ADAM9: variants seen among roughly 807,000 people sequenced by gnomAD.
The protein encoded by ADAM9 is disintegrin and metalloproteinase domain-containing protein 9.
Under a neutral mutation model 108.1 loss-of-function variants are expected in ADAM9, and 54 were observed. The ratio of observed to expected loss-of-function variants is 0.50; its 90% confidence interval spans 0.40 to 0.63. The LOEUF (loss-of-function observed/expected upper bound fraction) is 0.63. Among genes scored for constraint, ADAM9 ranks in the 20% least tolerant of loss-of-function variants. ADAM9 has a pLI of 0.00. For missense variants in ADAM9, 830 were observed against 997.7 expected, an observed-to-expected ratio of 0.83 and a Z score of 2.26; for synonymous variants, 316 against 336.0, an observed-to-expected ratio of 0.94 and a Z score of 0.65.
At chr8:39,004,366 A>G (rs1836094383) in intron 1 of ADAM9, among the ~76,000 whole-genome samples, 1 of 151,900 alleles carries the variant, frequency 6.6e-6, no homozygotes. Context: ...GGCATGTGCC[A>G]CCATGCCCCA....
At chr8:39,024,269 T>C (rs1836849980) in intron 9 of ADAM9, among the ~76,000 whole-genome samples, 1 of 152,116 alleles carries the variant, frequency 6.6e-6, no homozygotes. Flanking sequence ...TTTAGTAAAA[T>C]CGTACGCTCA....
chr8:39,060,194 A>G (rs1181528175), intron 14 of ADAM9, among the ~76,000 whole-genome samples: 4 of 152,234 alleles, frequency 2.6e-5, no homozygotes, highest in Non-Finnish European at 5.9e-5. Context: ...TTATTCGCAG[A>G]GGATCACAAG....
At chr8:39,082,581 G>C in intron 16 of ADAM9, 60 bp from the exon 17 acceptor site, 1 of 1,358,092 alleles carries the variant, frequency 7.4e-7, no homozygotes, top group South Asian at 1.2e-5. Flanking sequence ...CTTTTTTCTG[G>C]GTACTTTTTA....
chr8:39,101,579 A>AT (rs1469777513), intron 20 of ADAM9, among the ~76,000 whole-genome samples: 1 of 152,224 alleles, frequency 6.6e-6, no homozygotes, highest in Non-Finnish European at 1.5e-5. Context: ...AAAATATTGT[A>AT]TAAAATTACC....
chr8:39,040,102 T>C (rs1837411807), intron 11 of ADAM9, among the ~76,000 whole-genome samples: 2 of 152,240 alleles, frequency 1.3e-5, no homozygotes, highest in African/African-American at 4.8e-5. Context: ...CAAGCTGGAG[T>C]GCAGTGGTGC....
At chr8:39,045,610 G>A (rs1185857766) in intron 12 of ADAM9, among the ~76,000 whole-genome samples, 2 of 150,046 alleles carry the variant, frequency 1.3e-5, no homozygotes, top group Non-Finnish European at 2.9e-5. Flanking sequence ...TCATCCAGTC[G>A]ACTGTTGATG....
At chr8:39,101,421 T>G (rs2129443627) in intron 20 of ADAM9, among the ~76,000 whole-genome samples, 1 of 152,312 alleles carries the variant, frequency 6.6e-6, no homozygotes, top group East Asian at 1.9e-4. Flanking sequence ...AAGAAAATGA[T>G]TGCTTACCAG....
At chr8:39,023,581 G>A (rs1348165479) in intron 9 of ADAM9, among the ~76,000 whole-genome samples, 2 of 151,840 alleles carry the variant, frequency 1.3e-5, no homozygotes, top group African/African-American at 4.8e-5. Flanking sequence ...TTTGTGAACG[G>A]ATATATAGAA....
At chr8:39,007,206 C>T (rs1016497596) in intron 1 of ADAM9, among the ~76,000 whole-genome samples, 1 of 152,118 alleles carries the variant, frequency 6.6e-6, no homozygotes, top group South Asian at 2.1e-4. Flanking sequence ...GGGAGAGAGG[C>T]TCTTTTTAAC....
chr8:39,032,839 AAGTC>A (rs1236585026), intron 11 of ADAM9, among the ~76,000 whole-genome samples: 2 of 152,232 alleles, frequency 1.3e-5, no homozygotes, highest in Non-Finnish European at 2.9e-5. Context: ...GCTTTAGAGT[AAGTC>A]TTGAAGTCAG....
At chr8:39,050,177 T>C (rs1837911015) in intron 12 of ADAM9, among the ~76,000 whole-genome samples, 1 of 152,188 alleles carries the variant, frequency 6.6e-6, no homozygotes, top group South Asian at 2.1e-4. Flanking sequence ...CTTTCTTTCT[T>C]ACTGCTTTCA....
At chr8:39,081,051 T>C (rs1215384396) in intron 16 of ADAM9, among the ~76,000 whole-genome samples, 1 of 151,300 alleles carries the variant, frequency 6.6e-6, no homozygotes, top group Admixed American at 6.6e-5. Flanking sequence ...CCTCCTGGGT[T>C]CAAACGATTC....
chr8:39,050,508 A>C (rs1187881551), intron 12 of ADAM9, among the ~76,000 whole-genome samples: 7 of 147,446 alleles, frequency 4.7e-5, no homozygotes, highest in Non-Finnish European at 1.0e-4. Context: ...GAGTTTGTTG[A>C]ATCTTTATTC....
chr8:39,000,007 T>A (rs1835945427), intron 1 of ADAM9, among the ~76,000 whole-genome samples: 1 of 152,160 alleles, frequency 6.6e-6, no homozygotes. Flanking sequence ...TCCTTTTGTA[T>A]CTCAGTAGCT....
chr8:38,999,962 T>C (rs1353473650), intron 1 of ADAM9, among the ~76,000 whole-genome samples: 1 of 152,168 alleles, frequency 6.6e-6, no homozygotes, highest in African/African-American at 2.4e-5. Flanking sequence ...TCCTTTTGAG[T>C]CAGCGCTATG....
intron 1 of ADAM9, among the ~76,000 whole-genome samples, chr8:39,005,806 A>G (rs987767261): frequency 6.6e-6 from 1 of 152,228 alleles, no homozygotes; most frequent in Non-Finnish European, 1.5e-5. Context: ...TAGCAAAATA[A>G]GCTTTAGTCT....
intron 7 of ADAM9, among the ~76,000 whole-genome samples, chr8:39,021,096 A>T (rs1333368358): frequency 6.6e-6 from 1 of 152,214 alleles, no homozygotes; most frequent in Non-Finnish European, 1.5e-5. Flanking sequence ...TAATTTGGAT[A>T]AAATGAAGTC....
chr8:39,101,652 C>T (rs1564393706), intron 20 of ADAM9, among the ~76,000 whole-genome samples: 1 of 151,982 alleles, frequency 6.6e-6, no homozygotes, highest in Non-Finnish European at 1.5e-5. Context: ...GACTTGGGTC[C>T]CGTCCCCAAA....
At chr8:39,024,413 A>G (rs1309398143) in intron 9 of ADAM9, among the ~76,000 whole-genome samples, 3 of 152,242 alleles carry the variant, frequency 2.0e-5, no homozygotes, top group Non-Finnish European at 2.9e-5. Context: ...TGTGGTCTCC[A>G]TCTGTCCTGT....
Sources: allele counts gnomAD v4.1 joint callset (sites outside exome capture counted in the v4.1 genomes callset), GRCh38; gene constraint gnomAD v4.1.1; transcripts MANE v1.5; gene names NCBI Gene and HGNC (gene_info 2026-07-23, HGNC 2026-07-21).